RNF19B: variants seen among roughly 807,000 people sequenced by gnomAD.
The protein encoded by RNF19B is E3 ubiquitin-protein ligase RNF19B.
RNF19B carries 23 observed loss-of-function variants against 65.5 expected under a neutral mutation model. The ratio of observed to expected loss-of-function variants is 0.35; its 90% confidence interval spans 0.25 to 0.50. The LOEUF (loss-of-function observed/expected upper bound fraction) is 0.50. Among genes scored for constraint, RNF19B ranks in the 20% least tolerant of loss-of-function variants. RNF19B has a pLI of 0.98. For missense variants in RNF19B, 794 were observed against 980.0 expected (o/e 0.81, Z 2.53); for synonymous variants, 372 against 379.6 (o/e 0.98, Z 0.23).
In RNF19B at chr1:32,942,440, G is replaced by C. The variant is rs1317224810; in HGVS notation, c.1422C>G (p.Ala474=). The change falls in exon 7 of 9, where the codon GCC becomes GCG. Residue 474 remains alanine, a synonymous_variant. Transcript: ENST00000235150. ...GPITVADAWR[A]LKNPSIGESS... is the part of the protein sequence containing the mutation. ...TTTCCCCAATGCTGGGATTCTTGAG[G>C]GCTCTCCAGGCATCTGCCACTGGGG... The C allele has an allele frequency of 4.3e-6, 7 of 1,614,016 alleles. No homozygotes were observed. The East Asian group carries it at 1.6e-4, about 36-fold the overall frequency.
intron 1 of RNF19B, among the ~76,000 whole-genome samples, chr1:32,953,254 G>A (rs868751983): frequency 4.0e-5 from 6 of 151,822 alleles, no homozygotes; most frequent in Admixed American, 6.6e-5. Context: ...GATTACAGGC[G>A]TGAGCCACCA....
chr1:32,932,871 C>T (rs1285868439), downstream of RNF19B, among the ~76,000 whole-genome samples: 1 of 152,176 alleles, frequency 6.6e-6, no homozygotes, highest in Non-Finnish European at 1.5e-5. Flanking sequence ...TGGAAACAGA[C>T]TAAGGATGCT....
At chr1:32,943,001 C>T (rs1275939189) in intron 6 of RNF19B, among the ~76,000 whole-genome samples, 5 of 151,670 alleles carry the variant, frequency 3.3e-5, no homozygotes, top group African/African-American at 7.3e-5. Context: ...TTTAGCCGGG[C>T]GTGGTGGCGG....
chr1:32,937,781 T>C (rs939513525), intron 8 of RNF19B, among the ~76,000 whole-genome samples: 1 of 152,118 alleles, frequency 6.6e-6, no homozygotes, highest in African/African-American at 2.4e-5. Flanking sequence ...TAACTATACA[T>C]GCACACGTGT....
intron 8 of RNF19B, among the ~76,000 whole-genome samples, chr1:32,937,727 A>C (rs1480263676): frequency 6.6e-6 from 1 of 151,940 alleles, no homozygotes; most frequent in Non-Finnish European, 1.5e-5. Flanking sequence ...CAAAAATAAA[A>C]ATAAATGAGA....
rs1187574124 is a variant in RNF19B, at chr1:32,952,447, A to AC, written c.636-2674_636-2673insG. 6.1e-5 allele frequency among the ~76,000 whole-genome samples: 9 copies of AC among 148,628 alleles called. 1 individual carries two copies. Among genetic ancestry groups the AC allele is most frequent in the South Asian group, 4.2e-4 (2 of 4,734 alleles). On this transcript the variant is annotated intron_variant, in intron 1 of 8. Coordinates refer to ENST00000235150, the MANE Select transcript of RNF19B (RefSeq NM_001300826.2). ...TTTCTCTTAAAAAAAAAAAAAAAAA[A>AC]AAAAAAAAAAAACAGCCTGGCGTGG...
Position 32,964,158 on chromosome 1 carries a change from G to C in RNF19B, c.528C>G (p.Arg176=). Residue 176 remains arginine, a synonymous_variant, in exon 1 of 9, where the codon CGC becomes CGG. Transcript: ENST00000235150. The surrounding 1 kb of genome is among the most constrained non-coding windows in gnomAD (Gnocchi z 6.5). ...TAAGCGGCGGGTCGGCGAGCAGCAA[G>C]CGGATGTCGTGCGGGTTGAGTCGCT... ...CSERLNPHDI[R]LLLADPPLMH... 6.5e-7 allele frequency: 1 copy of C among 1,544,900 alleles called. No homozygotes were observed. Among genetic ancestry groups the C allele is most frequent in the Non-Finnish European group, 8.7e-7 (1 of 1,144,698 alleles).
intron 7 of RNF19B, among the ~76,000 whole-genome samples, chr1:32,939,188 TTTA>T (rs1420062002): frequency 2.0e-5 from 3 of 152,082 alleles, no homozygotes; most frequent in South Asian, 2.1e-4. Flanking sequence ...TGCCTACTTA[TTTA>T]TTATTATTTG....
At chr1:32,959,001 A>G (rs1231211853) in intron 1 of RNF19B, among the ~76,000 whole-genome samples, 1 of 152,170 alleles carries the variant, frequency 6.6e-6, no homozygotes, top group Non-Finnish European at 1.5e-5. Context: ...TATGGAGCCA[A>G]ATCAAGAGAA....
Position 32,946,417 on chromosome 1 carries a change from A to C in RNF19B, c.1131T>G (p.Val377=), listed in dbSNP as rs769543687. 1.2e-6 allele frequency: 2 copies of C among 1,613,984 alleles called. No homozygotes were observed. The highest frequency in any genetic ancestry group is 3.3e-5 in the Admixed American group (2 of 60,002). ...TCTTTCTTACCTTCCTTCCAACATA[A>C]ACAGGAATGCCAATGACCATGGCAG... The part of the protein sequence containing the change: ...AIPAMVIGIP[V]YVGRKIHSRY... Residue 377 remains valine, a synonymous_variant, in exon 4 of 9, where the codon GTT becomes GTG. Coordinates refer to ENST00000235150, the MANE Select transcript of RNF19B (RefSeq NM_001300826.2).
At chr1:32,961,304 T>A (rs1352898653) in intron 1 of RNF19B, among the ~76,000 whole-genome samples, 1 of 152,178 alleles carries the variant, frequency 6.6e-6, no homozygotes, top group African/African-American at 2.4e-5. Flanking sequence ...CTTAATGAAA[T>A]GCACCCAAGC....
intron 2 of RNF19B, 87 bp downstream of exon 2, chr1:32,949,482 G>A (rs1364429081): frequency 2.6e-6 from 3 of 1,133,180 alleles, no homozygotes; most frequent in East Asian, 2.4e-5. Flanking sequence ...GAGTACTTGG[G>A]TTATACAATA....
chr1:32,964,219 T>C lies in RNF19B; in HGVS notation c.467A>G (p.Glu156Gly). ...GGGGCAGCTGATGGGCACCCTGCTC[T>C]CGCTTATCTCCAGGCGCAGGTAGTG... ...LRHYLRLEIS[E>G]SRVPISCPEC... is the part of the protein sequence containing the mutation. The change falls in exon 1 of 9, where the codon GAG (glutamate) becomes GGG (glycine). Residue 156 changes from glutamate to glycine, a missense_variant. Coordinates refer to ENST00000235150, the MANE Select transcript of RNF19B (RefSeq NM_001300826.2). This position sits in a 1 kb window ranked among gnomAD's most constrained non-coding sequence, Gnocchi z 6.5. 1 of 1,546,438 alleles carries C rather than the reference T, an allele frequency of 6.5e-7. No homozygotes were observed. The highest frequency in any genetic ancestry group is 8.7e-7 in the Non-Finnish European group (1 of 1,145,414).
At chr1:32,954,053 C>T (rs553839383) in intron 1 of RNF19B, among the ~76,000 whole-genome samples, 15 of 151,172 alleles carry the variant, frequency 9.9e-5, no homozygotes, top group Non-Finnish European at 1.6e-4. Context: ...GGCTTACAGG[C>T]GCCCGCCACC....
chr1:32,956,921 A>G (rs1642652343), intron 1 of RNF19B, among the ~76,000 whole-genome samples: 2 of 152,288 alleles, frequency 1.3e-5, no homozygotes, highest in South Asian at 4.2e-4. Context: ...ACTTGTCACA[A>G]TGAACTGTAC....
intron 1 of RNF19B, among the ~76,000 whole-genome samples, chr1:32,953,121 CTTTTTCT>C (rs554312239): frequency 1.5e-3 from 231 of 151,588 alleles, no homozygotes; most frequent in African/African-American, 5.2e-3. Context: ...GCCCAGCTAA[CTTTTTCT>C]TTTTTCTTTT....
At chr1:32,943,959 T>C in intron 6 of RNF19B, 60 bp downstream of exon 6, 2 of 1,531,246 alleles carry the variant, frequency 1.3e-6, no homozygotes, top group Non-Finnish European at 1.8e-6. Flanking sequence ...GCGCTGAATT[T>C]TACTGATTTT....
At chr1:32,960,060 A>G (rs111845253) in intron 1 of RNF19B, among the ~76,000 whole-genome samples, 5,570 of 152,036 alleles carry the variant, frequency 0.037, 148 homozygotes, top group Non-Finnish European at 0.059. Context: ...CAAAAAAAAA[A>G]AAATTATAAT....
At chr1:32,947,434 C>T (rs573014669) in intron 3 of RNF19B, among the ~76,000 whole-genome samples, 4 of 152,226 alleles carry the variant, frequency 2.6e-5, no homozygotes, top group African/African-American at 4.8e-5. Flanking sequence ...CCGAGGCAGG[C>T]GGACCACCTG....
Sources: gnomAD v4.1 joint callset for allele counts (sites outside exome capture counted in the v4.1 genomes callset) on GRCh38, gnomAD v4.1.1 for gene constraint, Gnocchi (gnomAD v3.1) non-coding constraint, MANE v1.5 for transcripts, NCBI Gene and HGNC (gene_info 2026-07-23, HGNC 2026-07-21) for gene names.